Variants in SLC44A1 observed in about 807,000 individuals in gnomAD.
SLC44A1 encodes solute carrier family 44 member 1, also known as choline transporter-like protein 1.
Under a neutral mutation model 79.3 loss-of-function variants are expected in SLC44A1, and 26 were observed. The ratio of observed to expected loss-of-function variants is 0.33; its 90% CI spans 0.24 to 0.46. SLC44A1 has a LOEUF of 0.46. Among genes scored for constraint, SLC44A1 ranks in the 20% least tolerant of loss-of-function variants. The pLI is 1.00. For synonymous variants in SLC44A1, 263 were observed against 286.2 expected (o/e 0.92, Z 0.82); for missense variants, 688 against 798.1 (o/e 0.86, Z 1.66).
At chr9:105,354,151 C>T (rs1455199117) in intron 5 of SLC44A1, among the ~76,000 whole-genome samples, 1 of 145,106 alleles carries the variant, frequency 6.9e-6, no homozygotes, top group Non-Finnish European at 1.5e-5. Context: ...CCCGGGTTCA[C>T]GCCATTCTCC....
rs1271429099 is a variant in SLC44A1, at chr9:105,266,930, A to G, written c.36+22026A>G. Among the ~76,000 whole-genome samples, 11 of 152,322 alleles carry G rather than the reference A, an allele frequency of 7.2e-5. No individual in the cohort carries two copies. In the East Asian group the frequency reaches 1.9e-3, roughly 27 times the overall value. On this transcript the variant is annotated intron_variant, in intron 1 of 15. Coordinates refer to ENST00000374720, the MANE Select transcript of SLC44A1 (RefSeq NM_080546.5). ...TTGTCAAATTAATACTGAGTCTTCC[A>G]ATCTATGAATGTGATGTAGTTCTCC...
intron 3 of SLC44A1, among the ~76,000 whole-genome samples, chr9:105,311,337 A>G (rs1831174099): frequency 1.3e-5 from 2 of 152,168 alleles, no homozygotes; most frequent in Non-Finnish European, 2.9e-5. Context: ...AATATAAAAT[A>G]TTACAATTTA....
intron 1 of SLC44A1, among the ~76,000 whole-genome samples, chr9:105,259,998 A>T (rs1294212812): frequency 6.6e-6 from 1 of 152,234 alleles, no homozygotes; most frequent in Non-Finnish European, 1.5e-5. Context: ...TGCTACTTAA[A>T]TCAGGCTCTA....
intron 1 of SLC44A1, among the ~76,000 whole-genome samples, chr9:105,261,775 CTTTTTT>C (rs35530318): frequency 1.8e-5 from 2 of 111,684 alleles, no homozygotes; most frequent in Non-Finnish European, 3.5e-5. Flanking sequence ...CTCTCTCTCT[CTTTTTT>C]TTTTTTTTTT....
chr9:105,391,127 A>C lies in SLC44A1; in HGVS notation c.*2071A>C, dbSNP rs1828753908. 1.0e-6 allele frequency: 1 copy of C among 985,616 alleles called. No individual in the cohort carries two copies. Among genetic ancestry groups the C allele is most frequent in the South Asian group, 4.7e-5 (1 of 21,284 alleles). 61.1% of individuals were successfully genotyped at this position (985,616 alleles called of 1,614,324 possible). On this transcript the variant is annotated 3_prime_UTR_variant, in exon 16 of 16. Transcript: ENST00000374720. ...AACAGAAGACATTCCAGGAGCTAGC[A>C]ATTTTAAGAGGTGTCCCTCCAAAGT...
chr9:105,382,270 G>A lies in SLC44A1; in HGVS notation c.1633-853G>A, dbSNP rs567641325. The stretch of plus-strand genomic sequence containing the variant: ...ATATTTGCCATAAACCATTCATAGG[G>A]TTATTGAAAAGCTGGAATAAAATGT... On this transcript the variant is annotated intron_variant, in intron 13 of 15. Transcript: ENST00000374720. Among the ~76,000 whole-genome samples the A allele has an allele frequency of 4.9e-4, 74 of 152,186 alleles. 1 individual carries two copies. The highest frequency in any genetic ancestry group is 1.8e-3 in the African/African-American group (74 of 41,522).
chr9:105,414,056 T>TC (rs1226231531), intron 15 of SLC44A1, among the ~76,000 whole-genome samples: 1 of 151,850 alleles, frequency 6.6e-6, no homozygotes, highest in African/African-American at 2.4e-5. Context: ...TTTGGTTTTT[T>TC]TTTTTTTTGT....
At chr9:105,324,064 C>G (rs539409310) in intron 3 of SLC44A1, among the ~76,000 whole-genome samples, 8 of 152,048 alleles carry the variant, frequency 5.3e-5, no homozygotes, top group Non-Finnish European at 1.2e-4. Flanking sequence ...TGCAGTGGTG[C>G]GATCTAGGCT....
At chr9:105,245,137 A>G (rs932534936) in intron 1 of SLC44A1, among the ~76,000 whole-genome samples, 4 of 151,464 alleles carry the variant, frequency 2.6e-5, no homozygotes, top group Non-Finnish European at 5.9e-5. Flanking sequence ...GTGCGCCCTC[A>G]GCTCTTCCCG....
At chr9:105,382,504 G>A (rs945730728) in intron 13 of SLC44A1, among the ~76,000 whole-genome samples, 4 of 152,044 alleles carry the variant, frequency 2.6e-5, no homozygotes, top group Non-Finnish European at 4.4e-5. Flanking sequence ...ACGAAACACA[G>A]AAAAAGTTCT....
chr9:105,277,341 CTT>C, intron 1 of SLC44A1, among the ~76,000 whole-genome samples: 1 of 152,324 alleles, frequency 6.6e-6, no homozygotes, highest in Middle Eastern at 3.4e-3. Context: ...ACAACCCTCT[CTT>C]TACTGCAGTT....
At position 105,356,168 on chromosome 9, in the gene SLC44A1, G is replaced by A; in HGVS notation, c.501-44G>A. 4 of 1,492,072 alleles carry A rather than the reference G, an allele frequency of 2.7e-6. No individual in the cohort carries two copies. In the East Asian group the frequency reaches 6.8e-5, roughly 25 times the overall value. The allele number at this position is 1,492,072 out of a possible 1,614,324, so 92.4% of individuals were successfully genotyped here. ...GTGTTTGATGTGGCATTTATATTAA[G>A]TAGGAGTAATTTTTTTTCTGATTTT... On this transcript the variant is annotated intron_variant, in intron 5 of 15. Coordinates refer to ENST00000374720, the MANE Select transcript of SLC44A1 (RefSeq NM_080546.5).
intron 9 of SLC44A1, among the ~76,000 whole-genome samples, chr9:105,364,136 T>G (rs1827870122): frequency 2.0e-5 from 3 of 152,168 alleles, no homozygotes; most frequent in Admixed American, 6.5e-5. Flanking sequence ...ATAGTAAACT[T>G]TTATGTAACT....
At chr9:105,368,252 G>T (rs933359815) in intron 12 of SLC44A1, among the ~76,000 whole-genome samples, 5 of 151,718 alleles carry the variant, frequency 3.3e-5, no homozygotes, top group African/African-American at 9.7e-5. Context: ...TCGTAGGCAC[G>T]ATGTTTGAAG....
At chr9:105,330,812 A>G (rs531426109) in intron 3 of SLC44A1, among the ~76,000 whole-genome samples, 66 of 152,342 alleles carry the variant, frequency 4.3e-4, no homozygotes, top group African/African-American at 1.5e-3. Context: ...CCCAACTGTA[A>G]TAAATACACA....
chr9:105,424,240 A>G (rs1306211449), intron 15 of SLC44A1, among the ~76,000 whole-genome samples: 1 of 152,158 alleles, frequency 6.6e-6, no homozygotes, highest in Non-Finnish European at 1.5e-5. Context: ...CCCTAAGCCT[A>G]ATACCACTCT....
Position 105,362,814 on chromosome 9 carries a change from C to A in SLC44A1, c.901-7C>A. 1 of 1,576,434 alleles carries A rather than the reference C, an allele frequency of 6.3e-7. No homozygotes were observed. The stretch of plus-strand genomic sequence containing the variant: ...TAATAATAACTGAAACCATTCTCTC[C>A]ATACAGGTGATCTTATTCCTGATAA... On this transcript the variant is annotated splice_polypyrimidine_tract_variant and splice_region_variant and intron_variant, in intron 8 of 15. Coordinates refer to ENST00000374720, the MANE Select transcript of SLC44A1 (RefSeq NM_080546.5).
At chr9:105,409,267 T>A (rs947314120) in intron 15 of SLC44A1, among the ~76,000 whole-genome samples, 4 of 152,082 alleles carry the variant, frequency 2.6e-5, no homozygotes, top group Non-Finnish European at 5.9e-5. Context: ...CAAATAGTCA[T>A]CAAAAGAGAA....
rs577351997 is a variant in SLC44A1, at chr9:105,393,749, C to A, written c.*4693C>A. On this transcript the variant is annotated 3_prime_UTR_variant, in exon 16 of 16. Transcript: ENST00000374720. ...GGACAGAATGTGTTCTAAGGAAATT[C>A]GTTAGTAAATTTGTGAAAAACATGT... The A allele has an allele frequency of 1.0e-6, 1 of 984,978 alleles. No homozygotes were observed. The highest frequency in any genetic ancestry group is 1.2e-6 in the Non-Finnish European group (1 of 829,690). 61.0% of individuals were successfully genotyped at this position (984,978 alleles called of 1,614,324 possible). A position where few individuals can be genotyped will look rare whatever the true frequency, so the allele number is the denominator to read the frequency against.
Sources: gnomAD v4.1 joint callset for allele counts (sites outside exome capture counted in the v4.1 genomes callset) on GRCh38, gnomAD v4.1.1 for gene constraint, MANE v1.5 for transcripts, NCBI Gene and HGNC (gene_info 2026-07-23, HGNC 2026-07-21) for gene names.